ANK2: variants seen among roughly 807,000 people sequenced by gnomAD.
ANK2 encodes the protein ankyrin 2.
In ANK2, 83 loss-of-function variants were observed where a neutral mutation model predicts 360.5. The ratio of observed to expected loss-of-function variants is 0.23; its 90% CI spans 0.19 to 0.28. The LOEUF is 0.28. Ranked by LOEUF, ANK2 falls within the 10% of genes least tolerant of loss-of-function variation. The pLI, the probability that ANK2 is intolerant of heterozygous loss-of-function variation, is 1.00. For synonymous variants in ANK2, 1,740 were observed against 1,759.5 expected (o/e 0.99, Z 0.28); for missense variants, 4,201 against 4,795.7 (o/e 0.88, Z 3.66).
At chr4:113,208,285 T>A (rs2153442546) in intron 4 of ANK2, among the ~76,000 whole-genome samples, 1 of 151,946 alleles carries the variant, frequency 6.6e-6, no homozygotes, top group Non-Finnish European at 1.5e-5. Flanking sequence ...TAAGAGGTGA[T>A]GTTAGCTTGG....
At chr4:113,332,861 T>C (rs2092784672) in intron 28 of ANK2, 193 bp from the exon 29 acceptor site, 1 of 682,202 alleles carries the variant, frequency 1.5e-6, no homozygotes. Flanking sequence ...AGCATGTACC[T>C]GAGGATTGGT....
At chr4:112,792,169 G>A in the ANK2 span, among the ~76,000 whole-genome samples, 1 of 150,608 alleles carries the variant, frequency 6.6e-6, no homozygotes, top group Non-Finnish European at 1.5e-5. Flanking sequence ...AGCCTCCCGA[G>A]TAGCTGGGAT....
At chr4:112,709,356 A>G in the ANK2 span, among the ~76,000 whole-genome samples, 126 of 152,360 alleles carry the variant, frequency 8.3e-4, no homozygotes, top group Non-Finnish European at 1.2e-3. Context: ...GTTTGTCTGT[A>G]TATGTCATAT....
chr4:113,199,009 A>C lies in ANK2; in HGVS notation c.286-2A>C. The C allele has an allele frequency of 6.2e-7, 1 of 1,610,906 alleles. No homozygotes were observed. The highest frequency in any genetic ancestry group is 8.5e-7 in the Non-Finnish European group (1 of 1,177,264). On this transcript the variant is annotated splice_acceptor_variant, in intron 3 of 45. Coordinates refer to ENST00000357077, the MANE Select transcript of ANK2 (RefSeq NM_001148.6). LOFTEE classifies it high-confidence loss of function. ...ATTTTCTATTTTGTTTCTCCAAAAC[A>C]GAAGGGAAATACCGCTCTTCACATT...
intron 2 of ANK2, among the ~76,000 whole-genome samples, chr4:112,958,845 A>ATTTCTTTTTCTT (rs151114924): frequency 0.54 from 80,977 of 149,812 alleles, 22,864 homozygotes; most frequent in East Asian, 0.86. Context: ...ACAAGAGAAG[A>ATTTCTTTTTCTT]TTTCTTTTTC....
intron 2 of ANK2, among the ~76,000 whole-genome samples, chr4:112,915,773 T>TAA (rs1317303700): frequency 5.3e-5 from 8 of 150,686 alleles, no homozygotes; most frequent in African/African-American, 1.7e-4. Flanking sequence ...AATAAATAAA[T>TAA]AAATAAATAA....
Position 113,254,671 on chromosome 4 carries a change from T to G in ANK2, c.991-1064T>G, listed in dbSNP as rs141415138. 5.9e-4 allele frequency among the ~76,000 whole-genome samples: 90 copies of G among 152,390 alleles called. 2 individuals carry two copies. The East Asian group carries it at 0.015, about 26-fold the overall frequency. On this transcript the variant is annotated intron_variant, in intron 10 of 45. Coordinates refer to ENST00000357077, the MANE Select transcript of ANK2 (RefSeq NM_001148.6). Reference sequence around the variant, plus strand: ...ATATGAATAATTTATAAGTCACATATACTCTACCACAATTAAGAATTAATG... The same window carrying G: ...ATATGAATAATTTATAAGTCACATAGACTCTACCACAATTAAGAATTAATG...
In ANK2 at chr4:113,303,893, T is replaced by A. The variant is rs1009549257; in HGVS notation, c.2548+1054T>A. 2.0e-5 allele frequency among the ~76,000 whole-genome samples: 3 copies of A among 152,242 alleles called. No homozygotes were observed. In the South Asian group the frequency reaches 6.2e-4, roughly 31 times the overall value. ...CTTTTATACAGAGAAATATTAAAGA[T>A]GTTTCTTTAGGTTCTTTAAGATAAA... On this transcript the variant is annotated intron_variant, in intron 23 of 45. Transcript: ENST00000357077.
At chr4:112,749,192 G>A in the ANK2 span, among the ~76,000 whole-genome samples, 1,392 of 152,246 alleles carry the variant, frequency 9.1e-3, 9 homozygotes, top group Non-Finnish European at 0.014. Context: ...GAGCCACCGC[G>A]CCTGGCCTGA....
chr4:113,231,245 G>GGTTT (rs1216206387), intron 4 of ANK2, among the ~76,000 whole-genome samples: 1 of 151,606 alleles, frequency 6.6e-6, no homozygotes, highest in African/African-American at 2.4e-5. Context: ...GTAGAGACAG[G>GGTTT]GTTTCACCAT....
In ANK2 at chr4:113,044,037, T is replaced by C. The variant is rs2063642245; in HGVS notation, c.22-130379T>C. 2.0e-5 allele frequency among the ~76,000 whole-genome samples: 3 copies of C among 152,274 alleles called. No homozygotes were observed. The East Asian group carries it at 5.8e-4, about 29-fold the overall frequency. ...TACAGGACATAGGATCAATTTTCAA[T>C]AGCTAAGAATGTTGGTGCAATGGGA... On this transcript the variant is annotated intron_variant, in intron 2 of 30. Coordinates refer to the ANK2 transcript ENST00000503271.
At chr4:112,884,583 A>G (rs1486489376) in intron 1 of ANK2, among the ~76,000 whole-genome samples, 1 of 152,168 alleles carries the variant, frequency 6.6e-6, no homozygotes, top group Non-Finnish European at 1.5e-5. Context: ...GGAAGGCTGC[A>G]CTTGGCCTGC....
intron 1 of ANK2, among the ~76,000 whole-genome samples, chr4:112,842,820 T>C (rs2062427439): frequency 6.6e-6 from 1 of 152,228 alleles, no homozygotes; most frequent in Non-Finnish European, 1.5e-5. Flanking sequence ...GTAACAAAGC[T>C]CTATTTAAGA....
chr4:112,946,816 T>C (rs1216512527), intron 2 of ANK2, among the ~76,000 whole-genome samples: 1 of 152,218 alleles, frequency 6.6e-6, no homozygotes, highest in African/African-American at 2.4e-5. Flanking sequence ...GAAGAGATTA[T>C]GTAATTTCCC....
chr4:113,313,808 T>TGGGGGGGGGGGGGG (rs2081378602), intron 24 of ANK2: 1 of 28,974 alleles, frequency 3.5e-5, no homozygotes, highest in Non-Finnish European at 6.5e-5. Context: ...GGGGGAGCGG[T>TGGGGGGGGGGGGGG]GGGGGAGTGG....
At chr4:113,362,119 G>A (rs1392901015) in intron 39 of ANK2, among the ~76,000 whole-genome samples, 1 of 152,124 alleles carries the variant, frequency 6.6e-6, no homozygotes, top group East Asian at 1.9e-4. Context: ...ATATACACAT[G>A]TATTTCATTC....
upstream of ANK2, chr4:113,049,613 C>G (rs980801923): frequency 2.0e-6 from 3 of 1,516,176 alleles, no homozygotes; most frequent in African/African-American, 2.8e-5. Context: ...CAGTGCGCGC[C>G]CCTTCCCCAC....
chr4:113,186,275 T>C (rs1430907863), intron 2 of ANK2, among the ~76,000 whole-genome samples: 1 of 152,090 alleles, frequency 6.6e-6, no homozygotes, highest in Non-Finnish European at 1.5e-5. Context: ...GGAGTAGACC[T>C]CCAGCAAATT....
chr4:112,752,175 G>C, the ANK2 span, among the ~76,000 whole-genome samples: 1 of 152,208 alleles, frequency 6.6e-6, no homozygotes. Context: ...GGCTCACTCT[G>C]TGTTTCTTGT....
Sources: allele counts gnomAD v4.1 joint callset (sites outside exome capture counted in the v4.1 genomes callset), GRCh38; gene constraint gnomAD v4.1.1; transcripts MANE v1.5; gene names NCBI Gene and HGNC (gene_info 2026-07-23, HGNC 2026-07-21).